DACH2: variants seen among roughly 807,000 people sequenced by gnomAD.
DACH2 encodes the protein dachshund homolog 2.
Under a neutral mutation model 35.8 loss-of-function variants are expected in DACH2, and 17 were observed. The ratio of observed to expected loss-of-function variants is 0.48; its 90% CI spans 0.33 to 0.71. The LOEUF (loss-of-function observed/expected upper bound fraction) is 0.71. DACH2 is among the 30% of genes least tolerant of loss of function. The pLI is 0.02. For synonymous variants in DACH2, 195 were observed against 177.3 expected, an observed-to-expected ratio of 1.10 and a Z score of -0.79; for missense variants, 469 against 472.7, an observed-to-expected ratio of 0.99 and a Z score of 0.07.
chrX:86,430,795 A>G (rs2036973395), intron 2 of DACH2, among the ~76,000 whole-genome samples: 1 of 112,400 alleles, frequency 8.9e-6, no homozygotes, highest in African/African-American at 3.2e-5. Context: ...CAAAAGATGC[A>G]GTGTGCTCAC....
Position 86,278,304 on chromosome X carries a change from C to A in DACH2, c.489-98520C>A, listed in dbSNP as rs537615414. Among the ~76,000 whole-genome samples, 224 of 111,902 alleles carry A rather than the reference C, an allele frequency of 2.0e-3. 2 individuals are homozygous for A. The Middle Eastern group carries it at 0.028, about 14-fold the overall frequency. On this transcript the variant is annotated intron_variant, in intron 1 of 11. Coordinates refer to ENST00000373125, the MANE Select transcript of DACH2 (RefSeq NM_053281.3). Reference sequence around the variant, plus strand: ...CATAACCAATGCTTCAAAAGTTGGACCAATTGGGCTACGAAGTTTTGCCTC... The same window carrying A: ...CATAACCAATGCTTCAAAAGTTGGAACAATTGGGCTACGAAGTTTTGCCTC...
At chrX:86,417,068 T>C (rs2036716481) in intron 2 of DACH2, among the ~76,000 whole-genome samples, 1 of 85,676 alleles carries the variant, frequency 1.2e-5, no homozygotes, top group African/African-American at 4.8e-5. Context: ...CACTCCAGCC[T>C]GTTCAACAGA....
chrX:86,218,663 T>G (rs2147920981), intron 1 of DACH2, among the ~76,000 whole-genome samples: 1 of 112,400 alleles, frequency 8.9e-6, no homozygotes, highest in African/African-American at 3.2e-5. Context: ...TTTGTGAAAT[T>G]TTGAAGTTCT....
intron 3 of DACH2, among the ~76,000 whole-genome samples, chrX:86,617,455 G>A (rs1268170081): frequency 9.0e-6 from 1 of 111,046 alleles, no homozygotes; most frequent in African/African-American, 3.3e-5. Flanking sequence ...ATTTATTTTA[G>A]CAGTGTTTTG....
chrX:86,205,259 G>A (rs1276354396), intron 1 of DACH2, among the ~76,000 whole-genome samples: 1 of 111,037 alleles, frequency 9.0e-6, no homozygotes, highest in African/African-American at 3.3e-5. Flanking sequence ...CTTCTATAAA[G>A]TATATTTCTC....
intron 3 of DACH2, among the ~76,000 whole-genome samples, chrX:86,587,203 G>A (rs1281263543): frequency 1.8e-5 from 2 of 110,846 alleles, no homozygotes; most frequent in Non-Finnish European, 3.8e-5. Flanking sequence ...TTTTTGATTT[G>A]GCTCTGTTTG....
intron 2 of DACH2, among the ~76,000 whole-genome samples, chrX:86,466,944 G>A (rs1038763205): frequency 7.2e-5 from 8 of 111,289 alleles, no homozygotes; most frequent in African/African-American, 2.3e-4. Flanking sequence ...CAACAAAACC[G>A]CTTTTTCCTC....
intron 2 of DACH2, among the ~76,000 whole-genome samples, chrX:86,407,013 A>AT (rs2036537430): frequency 8.9e-6 from 1 of 112,241 alleles, no homozygotes; most frequent in Admixed American, 9.5e-5. Flanking sequence ...ATTTCATTTT[A>AT]TTTTTTGCTT....
At chrX:86,601,828 T>C (rs1261447813) in intron 3 of DACH2, among the ~76,000 whole-genome samples, 2 of 112,210 alleles carry the variant, frequency 1.8e-5, no homozygotes, top group Non-Finnish European at 3.8e-5. Flanking sequence ...ATGTACGTAT[T>C]ATTTGAGGGT....
intron 7 of DACH2, among the ~76,000 whole-genome samples, chrX:86,744,407 T>G (rs190526992): frequency 1.8e-5 from 2 of 111,905 alleles, no homozygotes; most frequent in East Asian, 5.7e-4. Flanking sequence ...TAAAAGGGAA[T>G]GAGTTAAAGT....
chrX:86,453,866 A>G (rs763371825), intron 2 of DACH2, among the ~76,000 whole-genome samples: 1 of 110,598 alleles, frequency 9.0e-6, no homozygotes, highest in South Asian at 3.7e-4. Flanking sequence ...TAATTGCTTC[A>G]TAGTGTCACT....
At position 86,174,221 on chromosome X, in the gene DACH2, C is replaced by T. The variant is rs1327817730; in HGVS notation, c.488+25113C>T. Among the ~76,000 whole-genome samples, 3 of 103,923 alleles carry T rather than the reference C, an allele frequency of 2.9e-5. No homozygotes were observed. The South Asian group carries it at 1.4e-3, about 50-fold the overall frequency. The allele number at this position is 103,923 out of a possible 115,157, so 90.2% of individuals were successfully genotyped here. ...AACTGTAGCCTTGAATTCCCGAGCT[C>T]AAGCGATCATACTGCCTCAGCCTCC... is the stretch of plus-strand genomic sequence containing the variant. On this transcript the variant is annotated intron_variant, in intron 1 of 11. Transcript: ENST00000373125.
chrX:86,348,838 G>A (rs1369882488), intron 1 of DACH2, among the ~76,000 whole-genome samples: 2 of 112,311 alleles, frequency 1.8e-5, no homozygotes, highest in African/African-American at 6.5e-5. Flanking sequence ...TGGGGGTGTG[G>A]CTCTCTTCTT....
intron 1 of DACH2, among the ~76,000 whole-genome samples, chrX:86,257,242 T>C (rs1326235874): frequency 8.9e-6 from 1 of 111,903 alleles, no homozygotes; most frequent in African/African-American, 3.2e-5. Context: ...GTATTTAACA[T>C]TTATTAGGCT....
At chrX:86,802,732 G>A (rs1056586889) in intron 7 of DACH2, among the ~76,000 whole-genome samples, 6 of 110,549 alleles carry the variant, frequency 5.4e-5, no homozygotes, top group African/African-American at 2.0e-4. Context: ...GAGGGACCAC[G>A]ATGGCTGGCA....
rs1462588998 is a variant in DACH2, at chrX:86,399,740, T to C, written c.527+22878T>C. On this transcript the variant is annotated intron_variant, in intron 2 of 11. Transcript: ENST00000373125. Reference sequence around the variant, plus strand: ...CTCTTCTGGCTTGTAGAGTTTCTGCTGAGAGATCAGCTGTTAGTCTGATGG... The same window carrying C: ...CTCTTCTGGCTTGTAGAGTTTCTGCCGAGAGATCAGCTGTTAGTCTGATGG... Among the ~76,000 whole-genome samples the C allele has an allele frequency of 1.2e-4, 14 of 112,222 alleles. No homozygotes were observed. In the East Asian group the frequency reaches 1.4e-3, roughly 11 times the overall value.
chrX:86,633,209 G>A (rs1459174346), intron 3 of DACH2, among the ~76,000 whole-genome samples: 1 of 111,223 alleles, frequency 9.0e-6, no homozygotes, highest in Non-Finnish European at 1.9e-5. Context: ...TAAAGCTCTA[G>A]TTGGACAAAC....
intron 2 of DACH2, among the ~76,000 whole-genome samples, chrX:86,454,134 C>T (rs760146315): frequency 5.4e-5 from 6 of 111,379 alleles, no homozygotes; most frequent in Non-Finnish European, 9.4e-5. Context: ...AGGATATCCG[C>T]TGAGAGGTCT....
chrX:86,456,311 A>AT (rs1484958301), intron 2 of DACH2, among the ~76,000 whole-genome samples: 1 of 112,067 alleles, frequency 8.9e-6, no homozygotes, highest in South Asian at 3.6e-4. Flanking sequence ...TTAACTGAAC[A>AT]TTTTTTTATC....
Sources: allele counts gnomAD v4.1 joint callset (sites outside exome capture counted in the v4.1 genomes callset), GRCh38; gene constraint gnomAD v4.1.1; transcripts MANE v1.5; gene names NCBI Gene and HGNC (gene_info 2026-07-23, HGNC 2026-07-21).